Variants in NMT2 observed in about 807,000 individuals in gnomAD.
NMT2 encodes N-myristoyltransferase 2, also known as glycylpeptide N-tetradecanoyltransferase 2.
Under a neutral mutation model 65.4 loss-of-function variants are expected in NMT2, and 35 were observed. The observed-to-expected ratio is 0.54, with a 90% CI of 0.41 to 0.71. The LOEUF (loss-of-function observed/expected upper bound fraction) is 0.71. Among genes scored for constraint, NMT2 ranks in the 30% least tolerant of loss-of-function variants. The probability of loss-of-function intolerance (pLI) is 0.00; values close to 1 mark genes in which losing one functional copy is unlikely to be tolerated. For missense variants in NMT2, 489 were observed against 611.3 expected (o/e 0.80, Z 2.11); for synonymous variants, 226 against 231.8 (o/e 0.98, Z 0.23).
chr10:15,161,109 A>AAAAAAAAAAAAAAAC (rs1220389004), intron 1 of NMT2, among the ~76,000 whole-genome samples: 1 of 146,104 alleles, frequency 6.8e-6, no homozygotes, highest in Non-Finnish European at 1.5e-5. Context: ...AAAAAAAAAA[A>AAAAAAAAAAAAAAAC]ACACAAAGAA....
intron 1 of NMT2, among the ~76,000 whole-genome samples, chr10:15,143,760 C>A (rs979035291): frequency 3.3e-5 from 5 of 152,080 alleles, no homozygotes; most frequent in African/African-American, 1.2e-4. Flanking sequence ...ACTTGGGAGG[C>A]TAAGGTGGGA....
intron 1 of NMT2, among the ~76,000 whole-genome samples, chr10:15,153,549 C>T (rs1390503076): frequency 1.3e-5 from 2 of 152,200 alleles, no homozygotes; most frequent in African/African-American, 4.8e-5. Context: ...ACACAGCTGA[C>T]CTCTGAATAC....
intron 10 of NMT2, among the ~76,000 whole-genome samples, chr10:15,110,319 A>G (rs1338196742): frequency 6.6e-6 from 1 of 151,648 alleles, no homozygotes; most frequent in Non-Finnish European, 1.5e-5. Context: ...ATTGTCTTAT[A>G]AAACTAGCAG....
At chr10:15,109,356 C>T in intron 11 of NMT2, 141 bp from the exon 12 acceptor site, 1 of 1,003,862 alleles carries the variant, frequency 1.0e-6, no homozygotes, top group Non-Finnish European at 1.4e-6. Context: ...AGGCGGATCA[C>T]CTGAGGTCAG....
Position 15,141,523 on chromosome 10 carries a change from T to C in NMT2, c.145A>G (p.Lys49Glu). The change falls in exon 2 of 12, where the codon AAG becomes GAG. Residue 49 changes from lysine to glutamate, a missense_variant. Transcript: ENST00000378165. ...TCCTTTTTTCTCTTCTGTTTCTTCT[T>C]TTTCTTTTTGGCTCCCAAATACCCT... ...PGGYLGAKKK[K>E]KKQKRKKEKP... The C allele has an allele frequency of 6.2e-7, 1 of 1,614,142 alleles. No individual in the cohort carries two copies. The highest frequency in any genetic ancestry group is 8.5e-7 in the Non-Finnish European group (1 of 1,179,988).
At chr10:15,130,064 C>A in intron 7 of NMT2, 78 bp downstream of exon 7, 1 of 1,149,388 alleles carries the variant, frequency 8.7e-7, no homozygotes, top group Non-Finnish European at 1.2e-6. Flanking sequence ...CCAGCAAAAA[C>A]TACATCTAGC....
intron 10 of NMT2, among the ~76,000 whole-genome samples, chr10:15,110,221 C>T (rs961309186): frequency 2.0e-5 from 3 of 151,066 alleles, no homozygotes; most frequent in African/African-American, 7.3e-5. Context: ...GGCAGTGAGC[C>T]GAGATTGTGC....
intron 1 of NMT2, among the ~76,000 whole-genome samples, chr10:15,166,167 C>T (rs972960372): frequency 6.6e-6 from 1 of 152,084 alleles, no homozygotes; most frequent in Non-Finnish European, 1.5e-5. Flanking sequence ...GCTTTAGTTT[C>T]AACTTAATAT....
intron 8 of NMT2, among the ~76,000 whole-genome samples, chr10:15,127,344 A>G (rs944306642): frequency 6.6e-6 from 1 of 151,520 alleles, no homozygotes; most frequent in Non-Finnish European, 1.5e-5. Flanking sequence ...TCAGGAGATC[A>G]AGACTATCCT....
chr10:15,105,993 C>A lies in NMT2; in HGVS notation c.*3202G>T. ...ACAAAGTTTCCAACTGGCAATGCTG[C>A]AGTTATTTATTTTACTTTCGAGATA... On this transcript the variant is annotated 3_prime_UTR_variant, in exon 12 of 12. Transcript: ENST00000378165. The A allele has an allele frequency of 2.4e-6, 1 of 417,076 alleles. No individual in the cohort carries two copies. Among genetic ancestry groups the A allele is most frequent in the Non-Finnish European group, 4.7e-6 (1 of 211,462 alleles). 25.8% of individuals were successfully genotyped at this position (417,076 alleles called of 1,614,324 possible). A position where few individuals can be genotyped will look rare whatever the true frequency, so the allele number is the denominator to read the frequency against.
In NMT2 at chr10:15,135,430, A is replaced by C; in HGVS notation, c.247-12T>G. On this transcript the variant is annotated splice_polypyrimidine_tract_variant and intron_variant, in intron 2 of 11. Transcript: ENST00000378165. ...GGAACACTGGGATTCTACGACAGCA[A>C]AGACAGACACAGAATATGAGAGAGC... 1 of 1,613,638 alleles carries C rather than the reference A, an allele frequency of 6.2e-7. No homozygotes were observed. Among genetic ancestry groups the C allele is most frequent in the Non-Finnish European group, 8.5e-7 (1 of 1,179,688 alleles).
intron 10 of NMT2, 27 bp downstream of exon 10, chr10:15,112,769 C>T (rs199664816): frequency 3.0e-4 from 477 of 1,580,196 alleles, no homozygotes; most frequent in Non-Finnish European, 3.8e-4. Flanking sequence ...GAGAACCAAA[C>T]GGCGTGAACA....
chr10:15,161,033 C>T (rs749231184), intron 1 of NMT2, among the ~76,000 whole-genome samples: 12 of 123,278 alleles, frequency 9.7e-5, no homozygotes, highest in African/African-American at 1.9e-4. Context: ...GTCAGGAGTT[C>T]GAGACCAGCC....
chr10:15,126,271 A>C (rs1463645911), intron 8 of NMT2, among the ~76,000 whole-genome samples: 1 of 151,948 alleles, frequency 6.6e-6, no homozygotes, highest in Non-Finnish European at 1.5e-5. Flanking sequence ...TCTACTAAAA[A>C]TACAAAAATT....
intron 8 of NMT2, among the ~76,000 whole-genome samples, chr10:15,122,907 C>G (rs1349217866): frequency 6.6e-6 from 1 of 151,478 alleles, no homozygotes; most frequent in African/African-American, 2.4e-5. Flanking sequence ...GAAAAAATTA[C>G]ATACTAGTGT....
chr10:15,133,260 C>T lies in NMT2; in HGVS notation c.495G>A (p.Leu165=). ...PQGFMWDTLD[L]SDAEVLKELY... ...ACTCACTCACCACTTCGGCATCACT[C>T]AAGTCTAAAGTGTCCCACATAAAAC... Residue 165 remains leucine (L), a synonymous_variant, in exon 4 of 12, where the codon TTG becomes TTA. Transcript: ENST00000378165. 1 of 1,613,888 alleles carries T rather than the reference C, an allele frequency of 6.2e-7. No individual in the cohort carries two copies. Among genetic ancestry groups the T allele is most frequent in the Non-Finnish European group, 8.5e-7 (1 of 1,179,792 alleles).
In NMT2 at chr10:15,135,403, T is replaced by C. The variant is rs756880984; in HGVS notation, c.262A>G (p.Met88Val). The change falls in exon 3 of 12, where the codon ATG (methionine) becomes GTG (valine). Residue 88 changes from methionine to valine, a missense_variant. By Grantham distance (21) the Met-to-Val change is conservative. Coordinates refer to ENST00000378165, the MANE Select transcript of NMT2 (RefSeq NM_004808.3). ...CTCTGGATATCCTGCAACTTCTGCA[T>C]TGGAACACTGGGATTCTACGACAGC... is the stretch of plus-strand genomic sequence containing the variant. ...QQPSKNPSVP[M>V]QKLQDIQRAM... 13 of 1,614,098 alleles carry C rather than the reference T, an allele frequency of 8.1e-6. No individual in the cohort carries two copies. The highest frequency in any genetic ancestry group is 5.3e-5 in the African/African-American group (4 of 75,038).
intron 8 of NMT2, 42 bp downstream of exon 8, chr10:15,128,308 A>G (rs761174331): frequency 1.8e-6 from 2 of 1,087,336 alleles, no homozygotes; most frequent in Non-Finnish European, 1.4e-6. Flanking sequence ...TAAAAGCGTC[A>G]GTTGTTACAG....
chr10:15,136,589 C>T (rs996824256), intron 2 of NMT2, among the ~76,000 whole-genome samples: 2 of 152,040 alleles, frequency 1.3e-5, no homozygotes, highest in Non-Finnish European at 2.9e-5. Flanking sequence ...CCCTTCCTCC[C>T]GGCCACACCC....
Sources: gnomAD v4.1 joint callset for allele counts (sites outside exome capture counted in the v4.1 genomes callset) on GRCh38, gnomAD v4.1.1 for gene constraint, MANE v1.5 for transcripts, NCBI Gene and HGNC (gene_info 2026-07-23, HGNC 2026-07-21) for gene names.